Variants in LINGO2 observed in about 807,000 individuals in gnomAD.
LINGO2 encodes leucine-rich repeat and immunoglobulin-like domain-containing nogo receptor-interacting protein 2.
A neutral mutation model predicts 30.6 loss-of-function variants in LINGO2; 14 were observed. That is an observed-to-expected ratio of 0.46 (90% CI 0.30 to 0.72). LINGO2 has a LOEUF of 0.72. Ranked by LOEUF, LINGO2 falls within the 30% of genes least tolerant of loss-of-function variation. The pLI, the probability that LINGO2 is intolerant of heterozygous loss-of-function variation, is 0.07. For missense variants in LINGO2, 729 were observed against 751.7 expected (o/e 0.97, Z 0.35); for synonymous variants, 317 against 288.5 (o/e 1.10, Z -1.00).
the LINGO2 span, among the ~76,000 whole-genome samples, chr9:28,930,977 T>C: frequency 6.6e-6 from 1 of 152,220 alleles, no homozygotes; most frequent in African/African-American, 2.4e-5. This position sits in a 1 kb window ranked among gnomAD's most constrained non-coding sequence, Gnocchi z 4.2. Context: ...AATTAAATAT[T>C]TTCCACATGA....
In LINGO2 at chr9:28,214,043, A is replaced by G. The variant is rs375886438; in HGVS notation, c.-87+81165T>C. ...CTTAGAAGATATGAGGAAATTAATC[A>G]AAAAAATATATTTTCCTACTTGAAC... is the stretch of plus-strand genomic sequence containing the variant. On this transcript the variant is annotated intron_variant, in intron 4 of 5. Coordinates refer to ENST00000379992, the Ensembl canonical transcript of LINGO2. 1.1e-4 allele frequency among the ~76,000 whole-genome samples: 16 copies of G among 151,574 alleles called. 1 individual carries two copies. The East Asian group carries it at 2.9e-3, about 27-fold the overall frequency.
At chr9:28,636,809 GA>G (rs1322649908) in intron 1 of LINGO2, among the ~76,000 whole-genome samples, 4 of 152,166 alleles carry the variant, frequency 2.6e-5, no homozygotes. Flanking sequence ...TTGCTGTGCA[GA>G]AGCTCTGTAG....
chr9:28,620,202 T>G (rs911101097), intron 1 of LINGO2, among the ~76,000 whole-genome samples: 1 of 152,088 alleles, frequency 6.6e-6, no homozygotes, highest in East Asian at 1.9e-4. Context: ...TCCCAGGTGA[T>G]TCAAGCTGCA....
At chr9:28,048,616 G>A (rs534739247) in intron 4 of LINGO2, among the ~76,000 whole-genome samples, 5 of 150,556 alleles carry the variant, frequency 3.3e-5, no homozygotes, top group East Asian at 4.0e-4. Flanking sequence ...AGACTGATTC[G>A]GTAATTTTAT....
chr9:28,211,624 T>C (rs775706606), intron 4 of LINGO2, among the ~76,000 whole-genome samples: 2 of 151,518 alleles, frequency 1.3e-5, no homozygotes, highest in African/African-American at 4.8e-5. Flanking sequence ...GCAAACTTTT[T>C]CTTGCATTTC....
intron 1 of LINGO2, among the ~76,000 whole-genome samples, chr9:28,501,117 C>T (rs1819865251): frequency 6.6e-6 from 1 of 151,980 alleles, no homozygotes; most frequent in African/African-American, 2.4e-5. Flanking sequence ...ATTTCTATAT[C>T]AAGAAATATG....
chr9:28,715,583 G>T, the LINGO2 span, among the ~76,000 whole-genome samples: 24 of 152,100 alleles, frequency 1.6e-4, no homozygotes, highest in South Asian at 4.8e-3. Flanking sequence ...GAGGTGGGTG[G>T]GGTTGCTAAA....
At chr9:28,636,610 G>C (rs535112090) in intron 1 of LINGO2, among the ~76,000 whole-genome samples, 1 of 152,160 alleles carries the variant, frequency 6.6e-6, no homozygotes, top group Non-Finnish European at 1.5e-5. Flanking sequence ...TCTGTTGGCT[G>C]CATAAATGTC....
chr9:28,331,362 A>C (rs1189045099), intron 3 of LINGO2, among the ~76,000 whole-genome samples: 1 of 152,172 alleles, frequency 6.6e-6, no homozygotes, highest in Non-Finnish European at 1.5e-5. Context: ...AGTAGAGTTG[A>C]AAATGCTATC....
chr9:28,960,272 C>T, the LINGO2 span, among the ~76,000 whole-genome samples: 91 of 152,116 alleles, frequency 6.0e-4, no homozygotes, highest in Middle Eastern at 3.4e-3. Context: ...GGCCAAGGCA[C>T]GAAGATTGCT....
the LINGO2 span, among the ~76,000 whole-genome samples, chr9:28,912,707 C>A: frequency 6.6e-6 from 1 of 152,126 alleles, no homozygotes; most frequent in Non-Finnish European, 1.5e-5. Flanking sequence ...CTCCTTATTA[C>A]CTCAGTCTTG....
the LINGO2 span, chr9:27,942,151 C>G: frequency 2.6e-5 from 4 of 152,096 alleles, no homozygotes; most frequent in Non-Finnish European, 4.4e-5. Flanking sequence ...AACTATGACC[C>G]CTTTGTAACT....
chr9:27,989,915 T>C (rs939078332), intron 5 of LINGO2, among the ~76,000 whole-genome samples: 1 of 151,962 alleles, frequency 6.6e-6, no homozygotes, highest in African/African-American at 2.4e-5. Context: ...TTCTTAACAA[T>C]AGTTGGACTA....
At chr9:28,904,588 A>T in the LINGO2 span, among the ~76,000 whole-genome samples, 2 of 152,066 alleles carry the variant, frequency 1.3e-5, no homozygotes, top group Non-Finnish European at 2.9e-5. Flanking sequence ...AGAAACCAAA[A>T]GAACAATCCT....
At chr9:28,428,091 C>A (rs1055426412) in intron 2 of LINGO2, among the ~76,000 whole-genome samples, 1 of 152,106 alleles carries the variant, frequency 6.6e-6, no homozygotes, top group African/African-American at 2.4e-5. Context: ...GATTTTTTAA[C>A]ATTGCAAAAT....
rs561718740 is a variant in LINGO2, at chr9:28,269,371, T to A, written c.-87+25837A>T. On this transcript the variant is annotated intron_variant, in intron 4 of 5. Coordinates refer to ENST00000379992, the Ensembl canonical transcript of LINGO2. ...TCTGTCATTTTTCTAAAGGGAACAT[T>A]AAGTTTTCTGTCTATATAAATTTCC... Among the ~76,000 whole-genome samples the A allele has an allele frequency of 2.6e-5, 4 of 152,232 alleles. No homozygotes were observed. In the South Asian group the frequency reaches 8.3e-4, roughly 32 times the overall value.
intron 1 of LINGO2, among the ~76,000 whole-genome samples, chr9:28,666,235 C>T (rs1828796732): frequency 6.6e-6 from 1 of 151,958 alleles, no homozygotes; most frequent in Non-Finnish European, 1.5e-5. Context: ...TGAAAGCATG[C>T]ATAATTTTGG....
At chr9:29,019,666 G>A in the LINGO2 span, among the ~76,000 whole-genome samples, 3 of 152,258 alleles carry the variant, frequency 2.0e-5, no homozygotes, top group African/African-American at 7.2e-5. Context: ...ATAGCGACTG[G>A]CACAGTACTT....
the LINGO2 span, among the ~76,000 whole-genome samples, chr9:28,695,808 T>G: frequency 6.6e-5 from 10 of 151,398 alleles, no homozygotes; most frequent in Admixed American, 2.6e-4. Flanking sequence ...TAGTTCTGAA[T>G]CATTTGCTTT....
Sources: gnomAD v4.1 joint callset for allele counts (sites outside exome capture counted in the v4.1 genomes callset) on GRCh38, gnomAD v4.1.1 for gene constraint, Gnocchi (gnomAD v3.1) non-coding constraint, MANE v1.5 for transcripts, NCBI Gene and HGNC (gene_info 2026-07-23, HGNC 2026-07-21) for gene names.